The following WWOX variants were observed in gnomAD, a reference collection of about 807,000 sequenced individuals.
The protein encoded by WWOX is WW domain containing oxidoreductase, also known as WW domain-containing oxidoreductase.
WWOX carries 69 observed loss-of-function variants against 46.2 expected under a neutral mutation model. The ratio of observed to expected loss-of-function variants is 1.49; its 90% CI spans 1.23 to 1.82. The LOEUF is 1.82. WWOX is among the 40% of genes most tolerant of loss of function. WWOX has a pLI of 0.00. For synonymous variants in WWOX, 359 were observed against 202.6 expected, an observed-to-expected ratio of 1.77 and a Z score of -6.56; for missense variants, 919 against 542.6, an observed-to-expected ratio of 1.69 and a Z score of -6.89.
At chr16:78,881,795 A>G (rs1418575501) in intron 8 of WWOX, among the ~76,000 whole-genome samples, 1 of 152,140 alleles carries the variant, frequency 6.6e-6, no homozygotes, top group Non-Finnish European at 1.5e-5. Flanking sequence ...TTCTATAGTG[A>G]TTTTATGGAT....
At chr16:79,014,397 A>T (rs1348928919) in intron 8 of WWOX, among the ~76,000 whole-genome samples, 1 of 152,072 alleles carries the variant, frequency 6.6e-6, no homozygotes, top group Non-Finnish European at 1.5e-5. Context: ...AACACTGTGG[A>T]ACCTTTAAAT....
intron 8 of WWOX, among the ~76,000 whole-genome samples, chr16:79,135,622 A>G (rs1259388974): frequency 1.3e-5 from 2 of 152,208 alleles, no homozygotes; most frequent in Non-Finnish European, 2.9e-5. Context: ...AATGAGATGT[A>G]CTTCAAATTT....
At chr16:78,390,614 C>G (rs1004534334) in intron 6 of WWOX, among the ~76,000 whole-genome samples, 1 of 152,164 alleles carries the variant, frequency 6.6e-6, no homozygotes, top group Non-Finnish European at 1.5e-5. Context: ...TTTTGAAATG[C>G]TGCCAAAGTG....
chr16:78,184,491 A>C (rs891658353), intron 5 of WWOX, among the ~76,000 whole-genome samples: 5 of 152,176 alleles, frequency 3.3e-5, no homozygotes, highest in Admixed American at 2.6e-4. Flanking sequence ...ATGTGAAGGA[A>C]AATGGATGAA....
At chr16:78,561,412 T>C (rs182719362) in intron 8 of WWOX, among the ~76,000 whole-genome samples, 316 of 151,748 alleles carry the variant, frequency 2.1e-3, no homozygotes, top group African/African-American at 7.4e-3. Context: ...GTGATGAGGA[T>C]AGTTTCTTTA....
At chr16:78,857,211 G>A (rs1301574895) in intron 8 of WWOX, among the ~76,000 whole-genome samples, 1 of 152,048 alleles carries the variant, frequency 6.6e-6, no homozygotes, top group Non-Finnish European at 1.5e-5. Flanking sequence ...AGAAAAATGG[G>A]CAAAGATAAT....
chr16:78,229,258 GA>G (rs11448507), intron 5 of WWOX, among the ~76,000 whole-genome samples: 5 of 145,328 alleles, frequency 3.4e-5, no homozygotes, highest in African/African-American at 7.6e-5. Context: ...TACAAGAAAT[GA>G]AAAAAAAAAC....
At chr16:78,713,875 G>A (rs965878334) in intron 8 of WWOX, among the ~76,000 whole-genome samples, 1 of 152,188 alleles carries the variant, frequency 6.6e-6, no homozygotes, top group East Asian at 1.9e-4. Flanking sequence ...GTCCTGATCT[G>A]AATATGATTT....
intron 8 of WWOX, among the ~76,000 whole-genome samples, chr16:78,848,987 A>G (rs919969213): frequency 6.6e-6 from 1 of 152,144 alleles, no homozygotes; most frequent in African/African-American, 2.4e-5. Flanking sequence ...TGCTGCGATG[A>G]CTCGCAAAGA....
intron 8 of WWOX, among the ~76,000 whole-genome samples, chr16:79,209,436 C>T (rs1346063665): frequency 6.6e-6 from 1 of 152,168 alleles, no homozygotes; most frequent in Non-Finnish European, 1.5e-5. Flanking sequence ...TTGGTCTTTC[C>T]TCACGCTTGG....
At chr16:78,386,019 A>G (rs922949954) in intron 5 of WWOX, among the ~76,000 whole-genome samples, 7 of 152,192 alleles carry the variant, frequency 4.6e-5, no homozygotes, top group African/African-American at 1.7e-4. Context: ...ATGGAACACC[A>G]TTGCTTCAAA....
rs1211559723 is a variant in WWOX at position 78,927,611 on chromosome 16, A to ATTT, written c.1057-283996_1057-283994dup. Among the ~76,000 whole-genome samples, 3 of 152,136 alleles carry ATTT rather than the reference A, an allele frequency of 2.0e-5. No individual in the cohort carries two copies. The East Asian group carries it at 5.8e-4, about 29-fold the overall frequency. ...ACAACCCTATGTAGTTCACATAACT[A>ATTT]TTTGCAGTTGTATTTTCCTTTAAAT... On this transcript the variant is annotated intron_variant, in intron 8 of 8. Coordinates refer to ENST00000566780, the MANE Select transcript of WWOX (RefSeq NM_016373.4).
intron 5 of WWOX, among the ~76,000 whole-genome samples, chr16:78,359,535 G>T (rs1396551299): frequency 6.6e-6 from 1 of 152,044 alleles, no homozygotes. Flanking sequence ...AGAGCTGAAA[G>T]ATAAAAAGAC....
chr16:79,206,054 A>C (rs1431603831), intron 8 of WWOX: 1 of 152,172 alleles, frequency 6.6e-6, no homozygotes, highest in Non-Finnish European at 1.5e-5. Context: ...GGATCATCGA[A>C]GGGGGTGCTG....
intron 1 of WWOX, among the ~76,000 whole-genome samples, chr16:78,103,242 GTTTTTTTTTT>G (rs74264852): frequency 6.6e-4 from 94 of 142,638 alleles, no homozygotes; most frequent in South Asian, 1.3e-3. Flanking sequence ...TGGCTCCGCT[GTTTTTTTTTT>G]TTTTTTTTTT....
chr16:79,163,578 C>G (rs1026614349), intron 8 of WWOX, among the ~76,000 whole-genome samples: 1 of 152,112 alleles, frequency 6.6e-6, no homozygotes, highest in Non-Finnish European at 1.5e-5. Flanking sequence ...GGGGGTGGAT[C>G]ACCTGAAGCC....
chr16:78,970,156 G>C lies in WWOX; in HGVS notation c.1057-241452G>C, dbSNP rs550812990. The stretch of plus-strand genomic sequence containing the variant: ...GAGTAGCACATCGTGGAATGGGCCT[G>C]TCACCTCTACCCCACACATCCTCCT... On this transcript the variant is annotated intron_variant, in intron 8 of 8. Coordinates refer to ENST00000566780, the MANE Select transcript of WWOX (RefSeq NM_016373.4). Among the ~76,000 whole-genome samples, 40 of 152,244 alleles carry C rather than the reference G, an allele frequency of 2.6e-4. 1 individual carries two copies. The highest frequency in any genetic ancestry group is 2.0e-3 in the Admixed American group (30 of 15,290).
intron 8 of WWOX, among the ~76,000 whole-genome samples, chr16:78,927,839 C>T (rs1022070934): frequency 2.0e-5 from 3 of 152,126 alleles, no homozygotes; most frequent in Non-Finnish European, 2.9e-5. Flanking sequence ...AGGGATTTCT[C>T]TTACTGTTTA....
intron 8 of WWOX, among the ~76,000 whole-genome samples, chr16:79,119,636 A>G (rs1398170178): frequency 1.3e-5 from 2 of 152,248 alleles, no homozygotes; most frequent in Admixed American, 1.3e-4. Context: ...GCACACACAT[A>G]GCAAATGGTC....
Sources: gnomAD v4.1 joint callset for allele counts (sites outside exome capture counted in the v4.1 genomes callset) on GRCh38, gnomAD v4.1.1 for gene constraint, MANE v1.5 for transcripts, NCBI Gene and HGNC (gene_info 2026-07-23, HGNC 2026-07-21) for gene names.